Variants in SUPT20H observed in about 807,000 individuals in gnomAD.
SUPT20H encodes SPT20 homolog, SAGA complex component.
In SUPT20H, 82 loss-of-function variants were observed where a neutral mutation model predicts 122.8. The ratio of observed to expected loss-of-function variants is 0.67; its 90% confidence interval spans 0.56 to 0.80. The LOEUF (loss-of-function observed/expected upper bound fraction) is 0.80, where lower values mean the gene tolerates loss of function less well. SUPT20H is among the 30% of genes least tolerant of loss of function. SUPT20H has a pLI of 0.00. For synonymous variants in SUPT20H, 291 were observed against 313.0 expected, an observed-to-expected ratio of 0.93 and a Z score of 0.74; for missense variants, 831 against 921.6, an observed-to-expected ratio of 0.90 and a Z score of 1.27.
At chr13:37,015,171 T>TAA (rs1197942737) in intron 23 of SUPT20H, among the ~76,000 whole-genome samples, 1 of 113,004 alleles carries the variant, frequency 8.8e-6, no homozygotes. Flanking sequence ...TACATTAAAA[T>TAA]AAAAAAAAAA....
At chr13:37,018,839 G>A (rs1259973828) in intron 22 of SUPT20H, among the ~76,000 whole-genome samples, 1 of 151,968 alleles carries the variant, frequency 6.6e-6, no homozygotes, top group Non-Finnish European at 1.5e-5. Context: ...TGTAGTGATG[G>A]GGTTTTACCA....
Position 37,022,582 on chromosome 13 carries a change from T to C in SUPT20H, c.1592-502A>G. 8.7e-7 allele frequency: 1 copy of C among 1,145,710 alleles called. No individual in the cohort carries two copies. Among genetic ancestry groups the C allele is most frequent in the Non-Finnish European group, 1.1e-6 (1 of 933,674 alleles). 71.0% of individuals were successfully genotyped at this position (1,145,710 alleles called of 1,614,324 possible). A position where few individuals can be genotyped will look rare whatever the true frequency, so the allele number is the denominator to read the frequency against. On this transcript the variant is annotated intron_variant, in intron 19 of 25. Coordinates refer to ENST00000350612, the MANE Select transcript of SUPT20H (RefSeq NM_001014286.3). The surrounding 1 kb of genome is among the most constrained non-coding windows in gnomAD (Gnocchi z 4.5). ...AATATACAGTTATATTCTACCACAATACCCATTTAAAAGTTAGTTTCCTAC... is the reference window on the plus strand; with the variant it reads ...AATATACAGTTATATTCTACCACAACACCCATTTAAAAGTTAGTTTCCTAC...
intron 19 of SUPT20H, 53 bp downstream of exon 19, chr13:37,023,982 C>T (rs1483862994): frequency 6.5e-7 from 1 of 1,546,932 alleles, no homozygotes; most frequent in South Asian, 1.3e-5. Context: ...TCTTAAGAAA[C>T]ACTAATGCAA....
intron 23 of SUPT20H, among the ~76,000 whole-genome samples, chr13:37,016,765 C>T (rs539840154): frequency 1.3e-5 from 2 of 152,294 alleles, no homozygotes; most frequent in South Asian, 2.1e-4. Context: ...AACACTTGTA[C>T]TTCCTTCTTC....
At chr13:37,014,610 A>G (rs888160903) in intron 23 of SUPT20H, among the ~76,000 whole-genome samples, 1 of 152,204 alleles carries the variant, frequency 6.6e-6, no homozygotes, top group Non-Finnish European at 1.5e-5. Flanking sequence ...ACATATCTAA[A>G]TAACTGATTT....
intron 13 of SUPT20H, 122 bp from the exon 14 acceptor site, chr13:37,028,427 T>G: frequency 1.1e-6 from 1 of 894,124 alleles, no homozygotes; most frequent in Non-Finnish European, 1.7e-6. Flanking sequence ...CACACAGCAC[T>G]TAGGCTACAA....
chr13:37,051,571 C>T lies in SUPT20H; in HGVS notation c.-81G>A. On this transcript the variant is annotated 5_prime_UTR_variant, in exon 2 of 26. Coordinates refer to ENST00000350612, the MANE Select transcript of SUPT20H (RefSeq NM_001014286.3). The stretch of plus-strand genomic sequence containing the variant: ...GGGGTGAACACCATGCCTTTAACAT[C>T]AATCTTACAGTACTGAAAAGCAAAA... 2.2e-6 allele frequency: 3 copies of T among 1,356,754 alleles called. No individual in the cohort carries two copies. The highest frequency in any genetic ancestry group is 2.1e-6 in the Non-Finnish European group (2 of 960,314). The allele number at this position is 1,356,754 out of a possible 1,614,324, so 84.0% of individuals were successfully genotyped here. A position where few individuals can be genotyped will look rare whatever the true frequency, so the allele number is the denominator to read the frequency against.
rs1341611753 is a variant in SUPT20H at position 37,017,336 on chromosome 13, G to C, written c.1901C>G (p.Thr634Ser). 3 of 1,613,824 alleles carry C rather than the reference G, an allele frequency of 1.9e-6. No homozygotes were observed. Among genetic ancestry groups the C allele is most frequent in the Non-Finnish European group, 2.5e-6 (3 of 1,179,944 alleles). ...GAGCTGCTGTTGCTGCTGCTGCAGA[G>C]TGTTAAAAATAAGTGAACCACCTGG... Reference protein sequence around the residue: ...QLPGGSLIFNTLQQQQQQLSQ... With the variant: ...QLPGGSLIFNSLQQQQQQLSQ... The change falls in exon 23 of 26, where the codon ACT becomes AGT. Residue 634 changes from threonine (T) to serine (S), a missense_variant. By Grantham distance (58) the Thr-to-Ser change is moderately conservative (BLOSUM62 1). Coordinates refer to ENST00000350612, the MANE Select transcript of SUPT20H (RefSeq NM_001014286.3).
At chr13:37,011,993 T>C (rs79934651) in intron 24 of SUPT20H, among the ~76,000 whole-genome samples, 199 bp downstream of exon 24, 1 of 152,308 alleles carries the variant, frequency 6.6e-6, no homozygotes, top group East Asian at 1.9e-4. Context: ...GGTAATTATG[T>C]TAAGTCAAAG....
chr13:37,048,018 G>A lies in SUPT20H; in HGVS notation c.40-82C>T, dbSNP rs1170939034. 7 of 1,015,256 alleles carry A rather than the reference G, an allele frequency of 6.9e-6. No individual in the cohort carries two copies. The East Asian group carries it at 8.1e-5, about 12-fold the overall frequency. The allele number at this position is 1,015,256 out of a possible 1,614,324, so 62.9% of individuals were successfully genotyped here. ...TGTATTGAGTATATCTAAAACATACGTAAGGCTAAAAAGGCTATTCACTTA... is the reference window on the plus strand; with the variant it reads ...TGTATTGAGTATATCTAAAACATACATAAGGCTAAAAAGGCTATTCACTTA... On this transcript the variant is annotated intron_variant, in intron 3 of 25. Coordinates refer to ENST00000350612, the MANE Select transcript of SUPT20H (RefSeq NM_001014286.3).
intron 2 of SUPT20H, 51 bp from the exon 3 acceptor site, chr13:37,048,650 A>T (rs1445438410): frequency 6.7e-7 from 1 of 1,489,238 alleles, no homozygotes; most frequent in African/African-American, 1.4e-5. Context: ...TCCACAAAAA[A>T]ATTTAATATA....
At chr13:37,027,600 A>C (rs2062538943) in intron 14 of SUPT20H, among the ~76,000 whole-genome samples, 1 of 152,160 alleles carries the variant, frequency 6.6e-6, no homozygotes, top group Non-Finnish European at 1.5e-5. Context: ...TTTTCAAATC[A>C]ATTTGATTAA....
intron 1 of SUPT20H, 102 bp from the exon 2 acceptor site, chr13:37,051,685 T>C: frequency 2.2e-6 from 1 of 459,510 alleles, no homozygotes. Flanking sequence ...ATTACTTATA[T>C]TTTTAAGACA....
At chr13:37,050,771 T>C (rs138923070) in intron 2 of SUPT20H, among the ~76,000 whole-genome samples, 1,949 of 152,286 alleles carry the variant, frequency 0.013, 18 homozygotes, top group Non-Finnish European at 0.019. Context: ...AGAACCCCAC[T>C]GTGATACTTC....
At chr13:37,026,164 T>A (rs969194042) in intron 16 of SUPT20H, 40 bp downstream of exon 16, 4 of 1,553,570 alleles carry the variant, frequency 2.6e-6, no homozygotes, top group Admixed American at 2.1e-5. Context: ...AAATTTTTCA[T>A]ATCCATCCTG....
At chr13:37,045,104 C>A in intron 6 of SUPT20H, 143 bp downstream of exon 6, 1 of 996,932 alleles carries the variant, frequency 1.0e-6, no homozygotes, top group Non-Finnish European at 1.4e-6. Flanking sequence ...AGGAAGAAAA[C>A]TGGGATCAAA....
intron 23 of SUPT20H, among the ~76,000 whole-genome samples, chr13:37,014,493 C>T (rs2060109734): frequency 6.6e-6 from 1 of 152,090 alleles, no homozygotes; most frequent in Non-Finnish European, 1.5e-5. Context: ...AAACAAACCT[C>T]AACAAACTTA....
intron 6 of SUPT20H, 98 bp downstream of exon 6, chr13:37,045,149 G>T (rs1358681163): frequency 6.6e-7 from 1 of 1,515,032 alleles, no homozygotes; most frequent in African/African-American, 1.4e-5. Flanking sequence ...ACTATCTGAA[G>T]GACAAATGCT....
intron 9 of SUPT20H, among the ~76,000 whole-genome samples, chr13:37,036,966 G>A (rs547383428): frequency 1.3e-5 from 2 of 152,064 alleles, no homozygotes; most frequent in South Asian, 2.1e-4. Flanking sequence ...AGTCCGAGGC[G>A]GGCAGAACGC....
Sources: gnomAD v4.1 joint callset for allele counts (sites outside exome capture counted in the v4.1 genomes callset) on GRCh38, gnomAD v4.1.1 for gene constraint, Gnocchi (gnomAD v3.1) non-coding constraint, MANE v1.5 for transcripts, NCBI Gene and HGNC (gene_info 2026-07-23, HGNC 2026-07-21) for gene names.